The following FRMD4A variants were observed in gnomAD, a reference collection of about 807,000 sequenced individuals.
FRMD4A encodes the protein FERM domain-containing protein 4A.
In FRMD4A, 29 loss-of-function variants were observed where a neutral mutation model predicts 129.1. The observed-to-expected ratio is 0.22, with a 90% CI of 0.17 to 0.31. The LOEUF (loss-of-function observed/expected upper bound fraction) is 0.31. Among genes scored for constraint, FRMD4A ranks in the 10% least tolerant of loss-of-function variants. The probability of loss-of-function intolerance (pLI) is 1.00; values close to 1 mark genes in which losing one functional copy is unlikely to be tolerated. For synonymous variants in FRMD4A, 634 were observed against 571.6 expected (o/e 1.11, Z -1.56); for missense variants, 1,272 against 1,375.8 (o/e 0.92, Z 1.19).
At chr10:14,275,558 T>C (rs1036585382) in intron 2 of FRMD4A, among the ~76,000 whole-genome samples, 6 of 152,244 alleles carry the variant, frequency 3.9e-5, no homozygotes, top group Non-Finnish European at 7.3e-5. Flanking sequence ...CAAGGGCAGA[T>C]AATAAAGCCA....
chr10:14,148,202 A>G (rs79049467), intron 2 of FRMD4A, among the ~76,000 whole-genome samples: 1,895 of 152,324 alleles, frequency 0.012, 28 homozygotes, highest in African/African-American at 0.043. Context: ...GGAGTCCACA[A>G]GAGGTAGTCT....
At chr10:14,288,221 G>A (rs77346899) in intron 2 of FRMD4A, among the ~76,000 whole-genome samples, 4,571 of 152,130 alleles carry the variant, frequency 0.03, 122 homozygotes, top group Non-Finnish European at 0.031. Context: ...GTTCACAGTC[G>A]AACTTCCCAA....
chr10:14,242,540 A>G (rs968042477), intron 2 of FRMD4A, among the ~76,000 whole-genome samples: 3 of 152,258 alleles, frequency 2.0e-5, no homozygotes, highest in Admixed American at 2.0e-4. Flanking sequence ...CATACAAAGG[A>G]TAACTTTTGT....
intron 15 of FRMD4A, among the ~76,000 whole-genome samples, chr10:13,679,474 T>TATATATACACACACACAA (rs1308155926): frequency 3.2e-5 from 1 of 31,468 alleles, no homozygotes; most frequent in East Asian, 3.1e-3. Flanking sequence ...TATATATATA[T>TATATATACACACACACAA]ACACACACAC....
intron 2 of FRMD4A, among the ~76,000 whole-genome samples, chr10:13,872,518 G>A (rs1240509859): frequency 1.3e-5 from 2 of 152,224 alleles, no homozygotes; most frequent in African/African-American, 2.4e-5. Flanking sequence ...ACGATGTGTG[G>A]GAAAATGTCC....
intron 2 of FRMD4A, among the ~76,000 whole-genome samples, chr10:14,081,320 T>C (rs572018036): frequency 1.3e-5 from 2 of 152,270 alleles, no homozygotes; most frequent in South Asian, 4.1e-4. Flanking sequence ...TTAAAGCCAA[T>C]GTACCTCCTT....
chr10:13,887,377 C>T (rs1247718050), intron 2 of FRMD4A, among the ~76,000 whole-genome samples: 1 of 152,126 alleles, frequency 6.6e-6, no homozygotes, highest in African/African-American at 2.4e-5. Context: ...GCCCAATTTC[C>T]ACTGATACAG....
chr10:14,304,015 C>A (rs761684096), intron 2 of FRMD4A, among the ~76,000 whole-genome samples: 2 of 152,160 alleles, frequency 1.3e-5, no homozygotes, highest in Non-Finnish European at 2.9e-5. Context: ...ATACAGCATA[C>A]CTTTTTCATC....
At chr10:14,162,325 T>C (rs10796163) in intron 2 of FRMD4A, among the ~76,000 whole-genome samples, 53,133 of 152,096 alleles carry the variant, frequency 0.35, 10,186 homozygotes, top group East Asian at 0.54. Flanking sequence ...GTGATTGCTG[T>C]CTTAACAGCT....
At position 13,663,728 on chromosome 10, in the gene FRMD4A, G is replaced by T. The variant is rs572889403; in HGVS notation, c.1604-219C>A. ...CACCCCGACACTGCCATGTGCCCATGTGCCCTAGCCTTTGTGTGTTTGTGC... is the reference window on the plus strand; with the variant it reads ...CACCCCGACACTGCCATGTGCCCATTTGCCCTAGCCTTTGTGTGTTTGTGC... On this transcript the variant is annotated intron_variant, in intron 18 of 24. Coordinates refer to ENST00000357447, the MANE Select transcript of FRMD4A (RefSeq NM_018027.5). Among the ~76,000 whole-genome samples, 12 of 152,250 alleles carry T rather than the reference G, an allele frequency of 7.9e-5. No individual in the cohort carries two copies. The South Asian group carries it at 2.5e-3, about 32-fold the overall frequency.
chr10:14,104,985 A>G (rs1034198307), intron 2 of FRMD4A, among the ~76,000 whole-genome samples: 1 of 152,176 alleles, frequency 6.6e-6, no homozygotes, highest in Admixed American at 6.5e-5. Context: ...GCTCTCCTCC[A>G]CTGTGGCAGG....
chr10:14,071,813 A>G (rs1374084596), intron 2 of FRMD4A, among the ~76,000 whole-genome samples: 1 of 152,112 alleles, frequency 6.6e-6, no homozygotes, highest in African/African-American at 2.4e-5. Flanking sequence ...TAGAAGAATT[A>G]GACTTGATGA....
intron 2 of FRMD4A, among the ~76,000 whole-genome samples, chr10:14,185,641 C>A (rs148160092): frequency 6.6e-6 from 1 of 152,262 alleles, no homozygotes; most frequent in Non-Finnish European, 1.5e-5. Context: ...GGTCAGAGAG[C>A]TGCAGGGGCG....
intron 2 of FRMD4A, among the ~76,000 whole-genome samples, chr10:14,035,690 C>A (rs74122443): frequency 0.023 from 3,557 of 152,222 alleles, 163 homozygotes; most frequent in African/African-American, 0.08. Flanking sequence ...GGATCCCAGC[C>A]TCGATCCAGC....
chr10:13,660,086 A>T (rs1281365776), intron 20 of FRMD4A, among the ~76,000 whole-genome samples: 1 of 152,234 alleles, frequency 6.6e-6, no homozygotes, highest in Non-Finnish European at 1.5e-5. Context: ...ACCATCTGCC[A>T]TCACGTTGAT....
At chr10:14,303,741 GC>G (rs1846260034) in intron 2 of FRMD4A, among the ~76,000 whole-genome samples, 1 of 152,140 alleles carries the variant, frequency 6.6e-6, no homozygotes, top group South Asian at 2.1e-4. Context: ...GGCAGCAGTA[GC>G]TTTTTCCCCC....
chr10:14,062,947 G>A (rs1232561043), intron 2 of FRMD4A, among the ~76,000 whole-genome samples: 1 of 152,224 alleles, frequency 6.6e-6, no homozygotes, highest in East Asian at 1.9e-4. Flanking sequence ...CGGCTCTCAT[G>A]TTTTAAATCC....
chr10:13,696,900 T>C (rs2086276955), intron 14 of FRMD4A, among the ~76,000 whole-genome samples: 1 of 152,304 alleles, frequency 6.6e-6, no homozygotes, highest in Non-Finnish European at 1.5e-5. Flanking sequence ...GTAGATAATT[T>C]ATGTAAAGGC....
intron 3 of FRMD4A, among the ~76,000 whole-genome samples, chr10:13,855,684 G>A (rs1194976365): frequency 1.3e-5 from 2 of 152,158 alleles, no homozygotes. Context: ...GATGACTAAA[G>A]TATAAATGAA....
Sources: allele counts gnomAD v4.1 joint callset (sites outside exome capture counted in the v4.1 genomes callset), GRCh38; gene constraint gnomAD v4.1.1; transcripts MANE v1.5; gene names NCBI Gene and HGNC (gene_info 2026-07-23, HGNC 2026-07-21).